SNCG: variants seen among roughly 807,000 people sequenced by gnomAD.
SNCG encodes synuclein gamma.
SNCG carries 13 observed loss-of-function variants against 16.0 expected under a neutral mutation model. The observed-to-expected ratio is 0.81, with a 90% CI of 0.53 to 1.29. The LOEUF (loss-of-function observed/expected upper bound fraction) is 1.29. Among genes scored for constraint, SNCG ranks in the 50% most tolerant of loss-of-function variants. The pLI is 0.00. For synonymous variants in SNCG, 66 were observed against 66.3 expected, an observed-to-expected ratio of 1.00 and a Z score of 0.02; for missense variants, 154 against 168.5, an observed-to-expected ratio of 0.91 and a Z score of 0.48.
chr10:86,958,043 G>T (rs1268141028), upstream of SNCG: 1 of 985,316 alleles, frequency 1.0e-6, no homozygotes, highest in Non-Finnish European at 1.2e-6. Flanking sequence ...GCAGCCAGAG[G>T]CCAAGGCATG....
chr10:86,958,496 TTCCCTCCC>T, upstream of SNCG: 4 of 1,169,708 alleles, frequency 3.4e-6, no homozygotes, highest in Non-Finnish European at 4.3e-6. Context: ...CTGAACCTCC[TTCCCTCCC>T]TCCCTCCCTC....
At chr10:86,957,865 G>C, upstream of SNCG, 1 of 1,125,314 alleles carries the variant, frequency 8.9e-7, no homozygotes. Flanking sequence ...CATGAAAAGA[G>C]CGTGGACTTC....
At chr10:86,957,143 C>T (rs931153409), upstream of SNCG, among the ~76,000 whole-genome samples, 16 of 152,238 alleles carry the variant, frequency 1.1e-4, no homozygotes, top group African/African-American at 3.4e-4. Flanking sequence ...TCCCTGCCAG[C>T]CCCCCAAGCC....
At chr10:86,962,743 C>A in intron 4 of SNCG, 68 bp downstream of exon 4, 1 of 1,351,144 alleles carries the variant, frequency 7.4e-7, no homozygotes, top group Non-Finnish European at 1.0e-6. Context: ...CCCACAGACG[C>A]ACTGCTTCCC....
At position 86,963,103 on chromosome 10, in the gene SNCG, C is replaced by G. The variant is rs12355388; in HGVS notation, c.*118C>G. ...ATGCGGCTGCCCACGCTCCTGCCCT[C>G]GTCTCCCTGGCCACCCTTGGCCTGT... On this transcript the variant is annotated 3_prime_UTR_variant, in exon 5 of 5. Transcript: ENST00000372017. 3.7e-6 allele frequency: 4 copies of G among 1,083,352 alleles called. No individual in the cohort carries two copies. Among genetic ancestry groups the G allele is most frequent in the Admixed American group, 2.7e-5 (1 of 37,062 alleles). 67.1% of individuals were successfully genotyped at this position (1,083,352 alleles called of 1,614,324 possible).
chr10:86,960,345 G>A (rs1427515439), intron 3 of SNCG, among the ~76,000 whole-genome samples: 1 of 152,194 alleles, frequency 6.6e-6, no homozygotes, highest in Non-Finnish European at 1.5e-5. Context: ...CCCCTTCGGG[G>A]GACTTGGGAG....
intron 3 of SNCG, among the ~76,000 whole-genome samples, chr10:86,960,897 G>A (rs1292122036): frequency 6.6e-6 from 1 of 152,222 alleles, no homozygotes; most frequent in Non-Finnish European, 1.5e-5. Flanking sequence ...ATGAGACGGT[G>A]TGGAAACTAA....
upstream of SNCG, chr10:86,957,945 G>A (rs1336980722): frequency 9.7e-7 from 1 of 1,032,114 alleles, no homozygotes; most frequent in Admixed American, 5.1e-5. Flanking sequence ...TGCTGGCCAG[G>A]AAATGGGGGG....
intron 4 of SNCG, 97 bp from the exon 5 acceptor site, chr10:86,962,868 G>A (rs1197270861): frequency 5.7e-6 from 8 of 1,411,268 alleles, no homozygotes; most frequent in Non-Finnish European, 7.8e-6. Flanking sequence ...TGACCCCTCA[G>A]GCATGGGGCA....
chr10:86,961,867 T>TC (rs531655080), intron 3 of SNCG, among the ~76,000 whole-genome samples: 1,294 of 66,528 alleles, frequency 0.019, 15 homozygotes, highest in African/African-American at 0.097. Flanking sequence ...TATCCCCGCC[T>TC]CCCCCCCGTC....
At position 86,960,057 on chromosome 10, in the gene SNCG, G is replaced by T; in HGVS notation, c.220G>T (p.Val74Phe). ...CGTGAGCGAGGCTGTGGTGAGCAGCGTCAACACTGTGGCCACCAAGACCGT... is the reference window on the plus strand; with the variant it reads ...CGTGAGCGAGGCTGTGGTGAGCAGCTTCAACACTGTGGCCACCAAGACCGT... Reference protein sequence around the residue: ...NAVSEAVVSSVNTVATKTVEE... With the variant: ...NAVSEAVVSSFNTVATKTVEE... Residue 74 changes from valine (V) to phenylalanine (F), a missense_variant, in exon 3 of 5, where the codon GTC becomes TTC. Val to Phe is a conservative substitution (Grantham distance 50). Transcript: ENST00000372017. 2 of 1,612,992 alleles carry T rather than the reference G, an allele frequency of 1.2e-6. No homozygotes were observed. Among genetic ancestry groups the T allele is most frequent in the Non-Finnish European group, 1.7e-6 (2 of 1,179,740 alleles).
upstream of SNCG, chr10:86,957,294 G>A (rs1056856236): frequency 2.8e-6 from 4 of 1,418,194 alleles, no homozygotes; most frequent in African/African-American, 1.4e-5. Flanking sequence ...TGGGACCCCA[G>A]TGAGGTCTAG....
rs1206267629 is a variant in SNCG at position 86,960,039 on chromosome 10, G to A, written c.202G>A (p.Glu68Lys). 4.3e-6 allele frequency: 7 copies of A among 1,611,616 alleles called. No homozygotes were observed. The highest frequency in any genetic ancestry group is 1.7e-5 in the Admixed American group (1 of 59,824). Residue 68 changes from glutamate to lysine, a missense_variant, in exon 3 of 5, where the codon GAG (glutamate) becomes AAG (lysine). Glu to Lys is a moderately conservative substitution (Grantham distance 56). Coordinates refer to ENST00000372017, the MANE Select transcript of SNCG (RefSeq NM_003087.3). Reference protein sequence around the residue: ...KTKEQANAVSEAVVSSVNTVA... With the variant: ...KTKEQANAVSKAVVSSVNTVA... ...CAAGGAGCAGGCCAACGCCGTGAGC[G>A]AGGCTGTGGTGAGCAGCGTCAACAC...
At chr10:86,958,218 A>G (rs931668202), upstream of SNCG, 81 of 963,792 alleles carry the variant, frequency 8.4e-5, no homozygotes, top group Non-Finnish European at 9.4e-5. Flanking sequence ...CCTGACCCCT[A>G]CCTAGGAAGC....
At chr10:86,956,726 G>A (rs1326554295), upstream of SNCG, among the ~76,000 whole-genome samples, 5 of 152,234 alleles carry the variant, frequency 3.3e-5, no homozygotes, top group African/African-American at 1.2e-4. Flanking sequence ...TGGGGGCCCC[G>A]TAAACAGCAC....
chr10:86,958,878 C>T, intron 1 of SNCG, 60 bp downstream of exon 1: 2 of 1,527,988 alleles, frequency 1.3e-6, no homozygotes, highest in Non-Finnish European at 1.8e-6. Context: ...GCCCAGTTAC[C>T]TTCGCCAGAC....
chr10:86,955,765 C>T (rs150264830), upstream of SNCG, among the ~76,000 whole-genome samples: 188 of 152,294 alleles, frequency 1.2e-3, 1 homozygote, highest in African/African-American at 4.0e-3. Flanking sequence ...CATGGACTTG[C>T]CCTGTGGAGA....
chr10:86,959,673 A>G lies in SNCG; in HGVS notation c.162A>G (p.Ser54=), dbSNP rs1257896362. The G allele has an allele frequency of 6.2e-7, 1 of 1,608,732 alleles. No individual in the cohort carries two copies. Among genetic ancestry groups the G allele is most frequent in the Non-Finnish European group, 8.5e-7 (1 of 1,177,816 alleles). The change falls in exon 2 of 5, where the codon TCA becomes TCG. Residue 54 remains serine, a splice_region_variant and synonymous_variant. Transcript: ENST00000372017. This position sits in a 1 kb window ranked among gnomAD's most constrained non-coding sequence, Gnocchi z 4.3. ...AGAATGTTGTACAGAGCGTGACCTC[A>G]GGTGAGAAGCCCCAGGGCCAGGGGA... is the stretch of plus-strand genomic sequence containing the variant. ...TKENVVQSVT[S]VAEKTKEQAN...
upstream of SNCG, chr10:86,958,561 G>C: frequency 3.3e-6 from 4 of 1,205,764 alleles, no homozygotes; most frequent in East Asian, 7.9e-5. Flanking sequence ...GCTGGCCTCC[G>C]CATCAATATT....
Sources: gnomAD v4.1 joint callset for allele counts (sites outside exome capture counted in the v4.1 genomes callset) on GRCh38, gnomAD v4.1.1 for gene constraint, Gnocchi (gnomAD v3.1) non-coding constraint, MANE v1.5 for transcripts, NCBI Gene and HGNC (gene_info 2026-07-23, HGNC 2026-07-21) for gene names.